The following PRDM5 variants were observed in gnomAD, a reference collection of about 807,000 sequenced individuals.
PRDM5 encodes PR domain zinc finger protein 5.
Under a neutral mutation model 81.2 loss-of-function variants are expected in PRDM5, and 56 were observed. The ratio of observed to expected loss-of-function variants is 0.69; its 90% CI spans 0.56 to 0.86. The LOEUF is 0.86. PRDM5 is among the 40% of genes least tolerant of loss of function. The pLI, the probability that PRDM5 is intolerant of heterozygous loss-of-function variation, is 0.00. For synonymous variants in PRDM5, 267 were observed against 256.4 expected, an observed-to-expected ratio of 1.04 and a Z score of -0.39; for missense variants, 697 against 770.1, an observed-to-expected ratio of 0.91 and a Z score of 1.12.
intron 3 of PRDM5, among the ~76,000 whole-genome samples, chr4:120,839,901 G>C (rs1309197846): frequency 6.6e-6 from 1 of 152,216 alleles, no homozygotes; most frequent in African/African-American, 2.4e-5. Flanking sequence ...TGAGGCAGCA[G>C]GCAGCTGGTG....
chr4:120,853,168 G>A (rs954856305), intron 3 of PRDM5, among the ~76,000 whole-genome samples: 6 of 152,126 alleles, frequency 3.9e-5, no homozygotes, highest in African/African-American at 1.4e-4. Flanking sequence ...AGCGAGATCT[G>A]CCAAGGACAA....
At chr4:120,688,432 C>A (rs1345388540), downstream of PRDM5, among the ~76,000 whole-genome samples, 1 of 152,030 alleles carries the variant, frequency 6.6e-6, no homozygotes, top group African/African-American at 2.4e-5. Context: ...GCATAGGTTG[C>A]TTCTCACTCT....
chr4:120,705,547 C>T (rs1370280500), intron 15 of PRDM5, among the ~76,000 whole-genome samples: 1 of 152,028 alleles, frequency 6.6e-6, no homozygotes, highest in African/African-American at 2.4e-5. Flanking sequence ...CCAAAAAAGA[C>T]TAAAGAGGCC....
At chr4:120,902,236 C>T in intron 2 of PRDM5, among the ~76,000 whole-genome samples, 1 of 152,194 alleles carries the variant, frequency 6.6e-6, no homozygotes, top group East Asian at 1.9e-4. Context: ...CAAGGAAATG[C>T]ACAAACTGTG....
At chr4:120,736,443 G>A (rs1429245703) in intron 14 of PRDM5, among the ~76,000 whole-genome samples, 3 of 152,152 alleles carry the variant, frequency 2.0e-5, no homozygotes, top group Non-Finnish European at 4.4e-5. Flanking sequence ...GTAGTGGCCA[G>A]TAACCAGCGA....
intron 1 of PRDM5, among the ~76,000 whole-genome samples, chr4:120,922,198 C>T (rs927370218): frequency 1.1e-4 from 16 of 152,348 alleles, no homozygotes; most frequent in Middle Eastern, 3.4e-3. Context: ...AGGCTCCCGC[C>T]GCGCTCACTT....
At chr4:120,774,351 C>T (rs1397333936) in intron 13 of PRDM5, among the ~76,000 whole-genome samples, 1 of 152,188 alleles carries the variant, frequency 6.6e-6, no homozygotes, top group Non-Finnish European at 1.5e-5. Context: ...AATTGCTACA[C>T]CTAGCACTGA....
intron 13 of PRDM5, among the ~76,000 whole-genome samples, chr4:120,771,930 C>A (rs1344116275): frequency 6.6e-6 from 1 of 152,168 alleles, no homozygotes; most frequent in Non-Finnish European, 1.5e-5. Context: ...TATGAACTAG[C>A]ACTGAGTATT....
chr4:120,711,386 C>T (rs1431647865), intron 14 of PRDM5, among the ~76,000 whole-genome samples: 1 of 152,076 alleles, frequency 6.6e-6, no homozygotes, highest in Non-Finnish European at 1.5e-5. Context: ...GCAACCTCTG[C>T]CTCCCTAGTT....
intron 2 of PRDM5, among the ~76,000 whole-genome samples, chr4:120,897,346 T>C (rs1764747712): frequency 6.6e-6 from 1 of 152,196 alleles, no homozygotes; most frequent in Non-Finnish European, 1.5e-5. Flanking sequence ...CAACTCTCAC[T>C]CTTACTGTTT....
chr4:120,729,967 G>A (rs1044423189), intron 14 of PRDM5, among the ~76,000 whole-genome samples: 2 of 152,162 alleles, frequency 1.3e-5, no homozygotes, highest in Non-Finnish European at 2.9e-5. Context: ...GCAGCAACAA[G>A]TTGTTATTGA....
intron 1 of PRDM5, 44 bp downstream of exon 1, chr4:120,922,472 C>A: frequency 6.8e-7 from 1 of 1,475,476 alleles, no homozygotes; most frequent in Non-Finnish European, 9.0e-7. Flanking sequence ...AGGCACAGGG[C>A]GCGCGAGGTG....
chr4:120,827,065 TTC>T (rs1756090187), intron 3 of PRDM5, among the ~76,000 whole-genome samples: 1 of 152,124 alleles, frequency 6.6e-6, no homozygotes, highest in African/African-American at 2.4e-5. Context: ...AAGTGAGTCA[TTC>T]ATAATCCCCA....
At chr4:120,855,021 A>C (rs1434095687) in intron 2 of PRDM5, among the ~76,000 whole-genome samples, 1 of 152,194 alleles carries the variant, frequency 6.6e-6, no homozygotes, top group Non-Finnish European at 1.5e-5. Flanking sequence ...CAGACACCAG[A>C]TCATGCGGGG....
intron 1 of PRDM5, among the ~76,000 whole-genome samples, chr4:120,909,171 G>GT (rs1452337802): frequency 6.6e-6 from 1 of 152,184 alleles, no homozygotes; most frequent in Non-Finnish European, 1.5e-5. Context: ...ATTAGACATA[G>GT]TATCAGGAAC....
At chr4:120,911,324 A>G (rs962710467) in intron 1 of PRDM5, among the ~76,000 whole-genome samples, 3 of 152,218 alleles carry the variant, frequency 2.0e-5, no homozygotes, top group African/African-American at 7.2e-5. Context: ...CCAAGAACTC[A>G]ACACTTTGTG....
chr4:120,900,176 G>C (rs923249451), intron 2 of PRDM5, among the ~76,000 whole-genome samples: 4 of 152,126 alleles, frequency 2.6e-5, no homozygotes, highest in Admixed American at 2.0e-4. Flanking sequence ...AGGCATGACT[G>C]ATATTAGTCA....
At chr4:120,763,674 G>A (rs1745959146) in intron 13 of PRDM5, among the ~76,000 whole-genome samples, 1 of 152,146 alleles carries the variant, frequency 6.6e-6, no homozygotes, top group Non-Finnish European at 1.5e-5. Context: ...AGAATTTGGT[G>A]AGAAAATTAT....
intron 13 of PRDM5, among the ~76,000 whole-genome samples, chr4:120,756,714 C>T (rs1744794209): frequency 2.0e-5 from 3 of 152,108 alleles, no homozygotes; most frequent in South Asian, 2.1e-4. Context: ...TCATTTTCTT[C>T]TTCATAAAGT....
Sources: allele counts gnomAD v4.1 joint callset (sites outside exome capture counted in the v4.1 genomes callset), GRCh38; gene constraint gnomAD v4.1.1; transcripts MANE v1.5; gene names NCBI Gene and HGNC (gene_info 2026-07-23, HGNC 2026-07-21).